Variants in SH3RF3 observed in about 807,000 individuals in gnomAD.
SH3RF3 encodes E3 ubiquitin-protein ligase SH3RF3.
SH3RF3 carries 29 observed loss-of-function variants against 66.3 expected under a neutral mutation model. The observed-to-expected ratio is 0.44, with a 90% CI of 0.33 to 0.60. The LOEUF is 0.60. SH3RF3 is among the 20% of genes least tolerant of loss of function. The probability of loss-of-function intolerance (pLI) is 0.04; values close to 1 mark genes in which losing one functional copy is unlikely to be tolerated. For synonymous variants in SH3RF3, 583 were observed against 532.0 expected (o/e 1.10, Z -1.32); for missense variants, 1,194 against 1,190.9 (o/e 1.00, Z -0.04).
intron 7 of SH3RF3, among the ~76,000 whole-genome samples, chr2:109,443,474 A>G (rs1223821366): frequency 6.6e-6 from 1 of 152,220 alleles, no homozygotes; most frequent in African/African-American, 2.4e-5. Context: ...AAAATAACTG[A>G]AAGCACCACA....
Position 109,501,990 on chromosome 2 carries a change from A to G in SH3RF3, c.*319A>G, listed in dbSNP as rs932665081. 3.4e-6 allele frequency: 1 copy of G among 296,474 alleles called. No homozygotes were observed. Among genetic ancestry groups the G allele is most frequent in the Non-Finnish European group, 6.5e-6 (1 of 154,606 alleles). 18.4% of individuals were successfully genotyped at this position (296,474 alleles called of 1,614,324 possible). On this transcript the variant is annotated 3_prime_UTR_variant, in exon 10 of 10. Coordinates refer to ENST00000309415, the MANE Select transcript of SH3RF3 (RefSeq NM_001099289.3). The stretch of plus-strand genomic sequence containing the variant: ...TGTGGCTGTGGTTTGCAGCCATGGC[A>G]GCGTTCTCATTTACCACCTAAGCAG...
At chr2:109,415,237 T>C (rs1332031087) in intron 4 of SH3RF3, among the ~76,000 whole-genome samples, 1 of 152,244 alleles carries the variant, frequency 6.6e-6, no homozygotes, top group Non-Finnish European at 1.5e-5. Flanking sequence ...TCTGAGTGAT[T>C]GTAAGCCCCT....
chr2:109,248,845 GTTTTCCT>G (rs989221680), intron 1 of SH3RF3, among the ~76,000 whole-genome samples: 1 of 129,374 alleles, frequency 7.7e-6, no homozygotes, highest in Non-Finnish European at 1.6e-5. Flanking sequence ...TCTCCTTTTC[GTTTTCCT>G]TTTTCCTTTC....
chr2:109,501,823 A>G lies in SH3RF3; in HGVS notation c.*152A>G, dbSNP rs1679397252. 1 of 598,696 alleles carries G rather than the reference A, an allele frequency of 1.7e-6. No homozygotes were observed. Among genetic ancestry groups the G allele is most frequent in the East Asian group, 2.8e-5 (1 of 36,346 alleles). The allele number at this position is 598,696 out of a possible 1,614,324, so 37.1% of individuals were successfully genotyped here. On this transcript the variant is annotated 3_prime_UTR_variant, in exon 10 of 10. Transcript: ENST00000309415. Reference sequence around the variant, plus strand: ...CCCTGGCCCAGGGTGGGGGCCAGGGACTGTGGAGGTCGTGCCTTCTCCCAA... The same window carrying G: ...CCCTGGCCCAGGGTGGGGGCCAGGGGCTGTGGAGGTCGTGCCTTCTCCCAA...
At chr2:109,235,086 C>G (rs1043214849) in intron 1 of SH3RF3, among the ~76,000 whole-genome samples, 5 of 152,170 alleles carry the variant, frequency 3.3e-5, no homozygotes, top group African/African-American at 1.2e-4. Flanking sequence ...AGCTTTAGAA[C>G]CAGACCACAG....
chr2:109,498,196 G>A (rs373993272), intron 9 of SH3RF3, among the ~76,000 whole-genome samples: 1 of 152,150 alleles, frequency 6.6e-6, no homozygotes, highest in Admixed American at 6.5e-5. Context: ...CTGGTTCGCC[G>A]GCAGATAGCC....
intron 1 of SH3RF3, among the ~76,000 whole-genome samples, chr2:109,264,299 A>T (rs1282292395): frequency 2.1e-5 from 3 of 142,788 alleles, no homozygotes; most frequent in African/African-American, 8.1e-5. Flanking sequence ...CCTCCACAGG[A>T]TCCACCCCAA....
chr2:109,144,319 C>T (rs908476452), intron 1 of SH3RF3, among the ~76,000 whole-genome samples: 2 of 151,894 alleles, frequency 1.3e-5, no homozygotes, highest in Non-Finnish European at 2.9e-5. Context: ...TCTGTTATAC[C>T]TCAATAAAAC....
At chr2:109,241,638 C>T (rs1219224893) in intron 1 of SH3RF3, among the ~76,000 whole-genome samples, 1 of 152,176 alleles carries the variant, frequency 6.6e-6, no homozygotes, top group Non-Finnish European at 1.5e-5. Context: ...CTGGGACTCT[C>T]TGTCTCCCCG....
intron 1 of SH3RF3, among the ~76,000 whole-genome samples, chr2:109,340,387 G>A (rs1574583468): frequency 6.6e-6 from 1 of 152,220 alleles, no homozygotes; most frequent in African/African-American, 2.4e-5. Context: ...GAGAGCCCCA[G>A]TACTGCTGGA....
intron 1 of SH3RF3, 107 bp downstream of exon 1, chr2:109,130,220 TGC>T: frequency 9.3e-7 from 1 of 1,073,814 alleles, no homozygotes; most frequent in Non-Finnish European, 1.2e-6. Flanking sequence ...CGGGTGGTCC[TGC>T]GTTGGCCCAC....
chr2:109,152,526 A>G (rs1677247128), intron 1 of SH3RF3, among the ~76,000 whole-genome samples: 1 of 152,258 alleles, frequency 6.6e-6, no homozygotes, highest in Admixed American at 6.5e-5. Context: ...ACTGGAAACA[A>G]CGAAGTGTTT....
chr2:109,471,777 C>G (rs1167026119), intron 8 of SH3RF3, among the ~76,000 whole-genome samples: 1 of 152,216 alleles, frequency 6.6e-6, no homozygotes, highest in Admixed American at 6.5e-5. Context: ...AGGAGATAGA[C>G]TAATGCACAG....
intron 8 of SH3RF3, among the ~76,000 whole-genome samples, chr2:109,452,261 T>A (rs1310468773): frequency 1.3e-5 from 2 of 152,152 alleles, no homozygotes; most frequent in Admixed American, 6.5e-5. Flanking sequence ...GCCAGCACAC[T>A]CCCTGCAGGC....
intron 1 of SH3RF3, among the ~76,000 whole-genome samples, chr2:109,203,443 C>T (rs1490828817): frequency 1.3e-5 from 2 of 152,162 alleles, no homozygotes; most frequent in African/African-American, 4.8e-5. Flanking sequence ...TCACTGTATC[C>T]CTGGCCATGA....
At chr2:109,196,626 G>A (rs1678506972) in intron 1 of SH3RF3, among the ~76,000 whole-genome samples, 1 of 152,154 alleles carries the variant, frequency 6.6e-6, no homozygotes. Context: ...GTGCTGCTGC[G>A]CTGTGGTTGC....
intron 1 of SH3RF3, among the ~76,000 whole-genome samples, chr2:109,180,413 C>T (rs1027199649): frequency 7.2e-5 from 11 of 152,208 alleles, no homozygotes; most frequent in Non-Finnish European, 1.0e-4. Flanking sequence ...AGGCCATTAG[C>T]TAGCCAATGA....
At chr2:109,219,919 A>G (rs1328739895) in intron 1 of SH3RF3, among the ~76,000 whole-genome samples, 3 of 152,232 alleles carry the variant, frequency 2.0e-5, no homozygotes, top group Admixed American at 6.5e-5. Flanking sequence ...GAAATAGTAA[A>G]AAAGCACTCT....
intron 5 of SH3RF3, among the ~76,000 whole-genome samples, chr2:109,421,397 C>T (rs1676873959): frequency 6.6e-6 from 1 of 152,238 alleles, no homozygotes; most frequent in Non-Finnish European, 1.5e-5. Flanking sequence ...AGAGGGCTCC[C>T]CAGCTTGAGG....
Sources: allele counts gnomAD v4.1 joint callset (sites outside exome capture counted in the v4.1 genomes callset), GRCh38; gene constraint gnomAD v4.1.1; transcripts MANE v1.5; gene names NCBI Gene and HGNC (gene_info 2026-07-23, HGNC 2026-07-21).